Variants in PTPN13 observed in about 807,000 individuals in gnomAD.
The protein encoded by PTPN13 is tyrosine-protein phosphatase non-receptor type 13.
PTPN13 carries 191 observed loss-of-function variants against 284.0 expected under a neutral mutation model. That is an observed-to-expected ratio of 0.67 (90% CI 0.60 to 0.76). The LOEUF (loss-of-function observed/expected upper bound fraction) is 0.76, where lower values mean the gene tolerates loss of function less well. Ranked by LOEUF, PTPN13 falls within the 30% of genes least tolerant of loss-of-function variation. The pLI is 0.00. For synonymous variants in PTPN13, 986 were observed against 1,022.3 expected, an observed-to-expected ratio of 0.96 and a Z score of 0.68; for missense variants, 2,797 against 2,939.9, an observed-to-expected ratio of 0.95 and a Z score of 1.12.
chr4:86,768,811 G>A (rs1208268612), intron 28 of PTPN13, among the ~76,000 whole-genome samples: 20 of 150,506 alleles, frequency 1.3e-4, no homozygotes, highest in Non-Finnish European at 1.9e-4. Flanking sequence ...CTGGGTTCAA[G>A]CTATTCTCCT....
intron 2 of PTPN13, among the ~76,000 whole-genome samples, chr4:86,668,709 C>T (rs549785939): frequency 8.6e-4 from 131 of 151,744 alleles, no homozygotes; most frequent in Non-Finnish European, 1.3e-3. Flanking sequence ...GATTCTCCTG[C>T]CTCAGCCTCC....
intron 7 of PTPN13, among the ~76,000 whole-genome samples, chr4:86,710,875 A>G (rs1411469421): frequency 6.6e-6 from 1 of 152,076 alleles, no homozygotes; most frequent in African/African-American, 2.4e-5. Flanking sequence ...ACATCTTCTA[A>G]TGATTATAGA....
intron 1 of PTPN13, among the ~76,000 whole-genome samples, chr4:86,603,036 AG>A (rs1346316612): frequency 6.6e-6 from 1 of 152,160 alleles, no homozygotes; most frequent in Non-Finnish European, 1.5e-5. Flanking sequence ...TTTCCTGTTT[AG>A]GAATCACTTT....
intron 36 of PTPN13, among the ~76,000 whole-genome samples, chr4:86,781,039 G>A (rs539567176): frequency 1.3e-5 from 2 of 152,040 alleles, no homozygotes; most frequent in Non-Finnish European, 2.9e-5. Context: ...GTTTTGAACC[G>A]GTGGTGTATT....
In PTPN13 at chr4:86,750,833, A is replaced by C; in HGVS notation, c.3014A>C (p.His1005Pro). Reference sequence around the variant, plus strand: ...GCAGAGTTGGTGGGAAAACCTTCTCACCAGATGTCAAGATCTGATGCAGAA... The same window carrying C: ...GCAGAGTTGGTGGGAAAACCTTCTCCCCAGATGTCAAGATCTGATGCAGAA... ...TVAELVGKPS[H>P]QMSRSDAESL... Residue 1005 changes from histidine to proline, a missense_variant, in exon 18 of 48, where the codon CAC becomes CCC. Physicochemically the swap from His to Pro is moderately conservative, Grantham distance 77. Coordinates refer to ENST00000411767, the MANE Select transcript of PTPN13 (RefSeq NM_080683.3). The C allele has an allele frequency of 1.2e-6, 2 of 1,613,800 alleles. No homozygotes were observed. Among genetic ancestry groups the C allele is most frequent in the Non-Finnish European group, 1.7e-6 (2 of 1,179,820 alleles).
intron 1 of PTPN13, among the ~76,000 whole-genome samples, chr4:86,618,536 A>G (rs556476047): frequency 9.2e-5 from 14 of 152,266 alleles, no homozygotes; most frequent in African/African-American, 3.4e-4. Flanking sequence ...CATTTTCACA[A>G]TATTGATTCT....
At chr4:86,791,238 C>T (rs558931836) in intron 40 of PTPN13, among the ~76,000 whole-genome samples, 4 of 152,346 alleles carry the variant, frequency 2.6e-5, no homozygotes, top group Admixed American at 6.5e-5. Flanking sequence ...GCCTTGCTCA[C>T]TGCCAGCGCA....
chr4:86,800,183 C>T (rs1176501435), intron 42 of PTPN13, among the ~76,000 whole-genome samples: 2 of 151,948 alleles, frequency 1.3e-5, no homozygotes, highest in South Asian at 4.2e-4. Flanking sequence ...CTTTTATGAT[C>T]GGGAATCAAT....
At position 86,701,545 on chromosome 4, in the gene PTPN13, C is replaced by G; in HGVS notation, c.939C>G (p.Phe313Leu). The change falls in exon 7 of 48, where the codon TTC becomes TTG. Residue 313 changes from phenylalanine (F) to leucine (L), a missense_variant. Phe to Leu is a conservative substitution (Grantham distance 22). Coordinates refer to ENST00000411767, the MANE Select transcript of PTPN13 (RefSeq NM_080683.3). ...MDLLCTADRD[F>L]SSGETATYRR... is the part of the protein sequence containing the mutation. ...TGCTTTGTACAGCTGACAGAGACTT[C>G]TCTTCAGGAGAGACTGCCACATATC... The G allele has an allele frequency of 6.2e-7, 1 of 1,613,938 alleles. No individual in the cohort carries two copies. Among genetic ancestry groups the G allele is most frequent in the Non-Finnish European group, 8.5e-7 (1 of 1,179,844 alleles).
At chr4:86,808,856 T>C (rs1355379792) in intron 45 of PTPN13, among the ~76,000 whole-genome samples, 1 of 152,000 alleles carries the variant, frequency 6.6e-6, no homozygotes, top group Non-Finnish European at 1.5e-5. Context: ...TGGAAAAAAA[T>C]AGAGAAGGAC....
intron 2 of PTPN13, among the ~76,000 whole-genome samples, chr4:86,656,952 C>T (rs929707839): frequency 6.6e-6 from 1 of 152,206 alleles, no homozygotes; most frequent in Non-Finnish European, 1.5e-5. Context: ...GCCTCGCTGC[C>T]GCCTTGCAGT....
intron 15 of PTPN13, 73 bp from the exon 16 acceptor site, chr4:86,741,561 A>G: frequency 1.4e-6 from 2 of 1,379,482 alleles, no homozygotes; most frequent in Non-Finnish European, 1.0e-6. Flanking sequence ...GCCAAACCAT[A>G]TCATACAGCT....
At chr4:86,808,693 A>G (rs952952873) in intron 45 of PTPN13, among the ~76,000 whole-genome samples, 8 of 152,332 alleles carry the variant, frequency 5.3e-5, no homozygotes, top group South Asian at 2.1e-4. Flanking sequence ...CAGTTGTTCA[A>G]TATTCTTCCA....
chr4:86,598,669 A>G (rs985527159), intron 1 of PTPN13, among the ~76,000 whole-genome samples: 1 of 152,194 alleles, frequency 6.6e-6, no homozygotes, highest in Non-Finnish European at 1.5e-5. Context: ...TGCATACTTC[A>G]TCTGTGCTTA....
rs573464002 is a variant in PTPN13, at chr4:86,701,492, A to G, written c.886A>G (p.Lys296Glu). Reference protein sequence around the residue: ...PIPGIDVLSKKKIWASSMDLL... With the variant: ...PIPGIDVLSKEKIWASSMDLL... ...CCCTGGCATTGATGTGCTTTCTAAGAAGAAGATCTGGGCTTCATCCATGGA... is the reference window on the plus strand; with the variant it reads ...CCCTGGCATTGATGTGCTTTCTAAGGAGAAGATCTGGGCTTCATCCATGGA... Residue 296 changes from lysine (K) to glutamate (E), a missense_variant, in exon 7 of 48, where the codon AAG becomes GAG. Transcript: ENST00000411767. The G allele has an allele frequency of 4.3e-6, 7 of 1,613,970 alleles. No individual in the cohort carries two copies. The South Asian group carries it at 5.5e-5, about 13-fold the overall frequency.
rs547432461 is a variant in PTPN13, at chr4:86,713,672, CATT to C, written c.1196-2855_1196-2853del. Among the ~76,000 whole-genome samples, 217 of 152,194 alleles carry C rather than the reference CATT, an allele frequency of 1.4e-3. 1 individual carries two copies. Among genetic ancestry groups the C allele is most frequent in the African/African-American group, 4.6e-3 (193 of 41,546 alleles). ...TATTATTCCTAGTTCTCCAAGTAAA[CATT>C]ATCCTAGAAACAGTGCAGAACTTTC... On this transcript the variant is annotated intron_variant, in intron 7 of 47. Transcript: ENST00000411767.
chr4:86,671,067 A>AC (rs1032244579), intron 2 of PTPN13, among the ~76,000 whole-genome samples: 7 of 152,122 alleles, frequency 4.6e-5, no homozygotes, highest in African/African-American at 1.4e-4. Flanking sequence ...ATTCAAACAC[A>AC]TTTTTCTTCT....
At chr4:86,671,392 T>G (rs2148890336) in intron 2 of PTPN13, among the ~76,000 whole-genome samples, 1 of 152,284 alleles carries the variant, frequency 6.6e-6, no homozygotes, top group Non-Finnish European at 1.5e-5. Context: ...CATAGGCCTT[T>G]TGTGATTTTT....
chr4:86,754,415 G>A (rs1737744841), intron 20 of PTPN13, among the ~76,000 whole-genome samples: 1 of 152,132 alleles, frequency 6.6e-6, no homozygotes, highest in South Asian at 2.1e-4. Flanking sequence ...CTTACTATGT[G>A]TCAAGCACTG....
Sources: gnomAD v4.1 joint callset for allele counts (sites outside exome capture counted in the v4.1 genomes callset) on GRCh38, gnomAD v4.1.1 for gene constraint, MANE v1.5 for transcripts, NCBI Gene and HGNC (gene_info 2026-07-23, HGNC 2026-07-21) for gene names.